Variants in FAM53A observed in about 807,000 individuals in gnomAD.
The protein encoded by FAM53A is protein FAM53A.
Under a neutral mutation model 26.6 loss-of-function variants are expected in FAM53A, and 28 were observed. That is an observed-to-expected ratio of 1.05 (90% confidence interval 0.78 to 1.45). The LOEUF (loss-of-function observed/expected upper bound fraction) is 1.45. FAM53A is among the 40% of genes most tolerant of loss of function. The pLI is 0.00. For missense variants in FAM53A, 650 were observed against 575.8 expected, an observed-to-expected ratio of 1.13 and a Z score of -1.32; for synonymous variants, 290 against 253.1, an observed-to-expected ratio of 1.15 and a Z score of -1.38.
chr4:1,639,787 G>A (rs186171988), downstream of FAM53A: 14 of 152,406 alleles, frequency 9.2e-5, no homozygotes, highest in Admixed American at 6.5e-4. Context: ...CCTTTGATCT[G>A]TGGCCCATGT....
chr4:1,639,996 C>G lies in FAM53A; in HGVS notation c.*1297G>C, dbSNP rs1711535120. 1 of 152,248 alleles carries G rather than the reference C, an allele frequency of 6.6e-6. No individual in the cohort carries two copies. The highest frequency in any genetic ancestry group is 1.5e-5 in the Non-Finnish European group (1 of 68,044). The allele number at this position is 152,248 out of a possible 1,614,324, so 9.4% of individuals were successfully genotyped here. A position where few individuals can be genotyped will look rare whatever the true frequency, so the allele number is the denominator to read the frequency against. ...TGGTTCTGAGCCAGAGACCAGAGGC[C>G]TGAGGCGCAGCCAGGCCCACTTCAG... On this transcript the variant is annotated 3_prime_UTR_variant, in exon 5 of 5. Coordinates refer to ENST00000308132, the MANE Select transcript of FAM53A (RefSeq NM_001174070.3).
chr4:1,585,452 A>G, the FAM53A span, among the ~76,000 whole-genome samples: 1 of 151,816 alleles, frequency 6.6e-6, no homozygotes, highest in African/African-American at 2.4e-5. Flanking sequence ...ACACCCAGCT[A>G]ATTTTTGTTT....
intron 2 of FAM53A, among the ~76,000 whole-genome samples, chr4:1,668,265 G>A (rs981052461): frequency 6.6e-6 from 1 of 151,546 alleles, no homozygotes; most frequent in Non-Finnish European, 1.5e-5. Flanking sequence ...TCAGCCTCCC[G>A]AGCAGCTGGG....
intron 1 of FAM53A, among the ~76,000 whole-genome samples, chr4:1,678,815 C>T (rs1436556601): frequency 6.6e-6 from 1 of 151,814 alleles, no homozygotes; most frequent in African/African-American, 2.4e-5. Flanking sequence ...AAGCAAGACT[C>T]CATCTCAAAA....
the FAM53A span, among the ~76,000 whole-genome samples, chr4:1,586,960 G>GGATTTT: frequency 6.6e-6 from 1 of 152,060 alleles, no homozygotes; most frequent in African/African-American, 2.4e-5. Flanking sequence ...TATCTCACTG[G>GGATTTT]GATTTTGATT....
chr4:1,583,158 G>A, the FAM53A span, among the ~76,000 whole-genome samples: 1 of 152,228 alleles, frequency 6.6e-6, no homozygotes, highest in Non-Finnish European at 1.5e-5. Context: ...CACACTGTGG[G>A]TGCCAGAGAC....
chr4:1,618,043 G>GGTC, exon 2 of FAM53A: 1 of 456,396 alleles, frequency 2.2e-6, no homozygotes, highest in Non-Finnish European at 4.4e-6. Context: ...CAGATGCCGT[G>GGTC]AAGATGGGAA....
chr4:1,666,275 CCT>C (rs1560190119), intron 2 of FAM53A, among the ~76,000 whole-genome samples: 17 of 139,982 alleles, frequency 1.2e-4, no homozygotes, highest in Non-Finnish European at 1.5e-4. Context: ...TAAAATAAAA[CCT>C]GCACCCCCTG....
rs1490029799 is a variant in FAM53A at position 1,659,888 on chromosome 4, C to CTAA, written c.76-2423_76-2421dup. On this transcript the variant is annotated intron_variant, in intron 2 of 4. Coordinates refer to ENST00000308132, the MANE Select transcript of FAM53A (RefSeq NM_001174070.3). This position sits in a 1 kb window ranked among gnomAD's most constrained non-coding sequence, Gnocchi z 5.2. ...TTCATGAGGGCACTGCCGCCATGAC[C>CTAA]TAAGCACCTCCCAGAGGCCCCACCT... Among the ~76,000 whole-genome samples the CTAA allele has an allele frequency of 6.6e-6, 1 of 152,212 alleles. No individual in the cohort carries two copies. The highest frequency in any genetic ancestry group is 1.5e-5 in the Non-Finnish European group (1 of 68,046).
intron 2 of FAM53A, among the ~76,000 whole-genome samples, chr4:1,660,447 G>C (rs919878229): frequency 5.3e-5 from 8 of 151,732 alleles, no homozygotes; most frequent in Admixed American, 3.9e-4. Flanking sequence ...AAAAAAAGCA[G>C]ATATGATGGC....
chr4:1,606,131 C>T, the FAM53A span, among the ~76,000 whole-genome samples: 4 of 151,856 alleles, frequency 2.6e-5, no homozygotes, highest in Non-Finnish European at 4.4e-5. Context: ...CTCCGCCTCC[C>T]GGGTTCACGC....
the FAM53A span, among the ~76,000 whole-genome samples, chr4:1,591,001 T>A: frequency 9.5e-5 from 12 of 125,736 alleles, no homozygotes; most frequent in East Asian, 9.7e-4. Context: ...TATATATATA[T>A]AATCATTCTA....
At position 1,625,011 on chromosome 4, in the gene FAM53A, G is replaced by A. The variant is rs372279348; in HGVS notation, c.432-6900C>T. On this transcript the variant is annotated intron_variant, in intron 1 of 1. Transcript: ENST00000489029. Reference sequence around the variant, plus strand: ...ACACCAGGTGATCAGAAGGCCCCACGTCCCAGCCCACGTGGTCAGGGTCAC... The same window carrying A: ...ACACCAGGTGATCAGAAGGCCCCACATCCCAGCCCACGTGGTCAGGGTCAC... 1.1e-3 allele frequency among the ~76,000 whole-genome samples: 143 copies of A among 134,204 alleles called. No individual in the cohort carries two copies. In the East Asian group the frequency reaches 0.024, roughly 23 times the overall value. 88.0% of individuals were successfully genotyped at this position (134,204 alleles called of 152,430 possible).
intron 1 of FAM53A, among the ~76,000 whole-genome samples, chr4:1,621,122 T>TTTTTTTTTTTTTTTTTTA: frequency 7.0e-6 from 1 of 142,338 alleles, no homozygotes; most frequent in African/African-American, 2.9e-5. Flanking sequence ...TTTTTTTTTT[T>TTTTTTTTTTTTTTTTTTA]GAGATGGAGT....
chr4:1,578,261 A>G, the FAM53A span, among the ~76,000 whole-genome samples: 1 of 152,216 alleles, frequency 6.6e-6, no homozygotes, highest in Non-Finnish European at 1.5e-5. Flanking sequence ...GAATTAAATG[A>G]AGCATGCTAA....
chr4:1,662,649 C>CA (rs34936313), intron 2 of FAM53A, among the ~76,000 whole-genome samples: 1,423 of 104,444 alleles, frequency 0.014, 22 homozygotes, highest in African/African-American at 0.046. Context: ...GGCCCTGTCT[C>CA]AAAAAAAAAA....
chr4:1,623,299 C>A (rs1168659747), intron 1 of FAM53A, among the ~76,000 whole-genome samples: 1 of 151,956 alleles, frequency 6.6e-6, no homozygotes, highest in Non-Finnish European at 1.5e-5. Flanking sequence ...CTGGGCAGCA[C>A]CTTCCTCAGG....
downstream of FAM53A, among the ~76,000 whole-genome samples, chr4:1,617,397 G>A: frequency 6.6e-6 from 1 of 152,168 alleles, no homozygotes; most frequent in East Asian, 1.9e-4. Flanking sequence ...TGCCGGTGTT[G>A]ACATTTTACC....
At chr4:1,652,346 ACAC>A (rs200369662) in intron 4 of FAM53A, among the ~76,000 whole-genome samples, 3,160 of 142,206 alleles carry the variant, frequency 0.022, 123 homozygotes, top group African/African-American at 0.079. Flanking sequence ...CGCTATACAC[ACAC>A]CACACGTCAC....
Sources: gnomAD v4.1 joint callset for allele counts (sites outside exome capture counted in the v4.1 genomes callset) on GRCh38, gnomAD v4.1.1 for gene constraint, Gnocchi (gnomAD v3.1) non-coding constraint, MANE v1.5 for transcripts, NCBI Gene and HGNC (gene_info 2026-07-23, HGNC 2026-07-21) for gene names.